Variants in ZRANB3 observed in about 807,000 individuals in gnomAD.
ZRANB3 encodes the protein DNA annealing helicase and endonuclease ZRANB3.
ZRANB3 carries 125 observed loss-of-function variants against 133.8 expected under a neutral mutation model. The ratio of observed to expected loss-of-function variants is 0.93; its 90% CI spans 0.81 to 1.08. The LOEUF is 1.08. Among genes scored for constraint, ZRANB3 ranks in the 50% least tolerant of loss-of-function variants. ZRANB3 has a pLI of 0.00. For synonymous variants in ZRANB3, 387 were observed against 432.7 expected (o/e 0.89, Z 1.31); for missense variants, 1,229 against 1,275.5 (o/e 0.96, Z 0.56).
At chr2:135,412,960 T>C (rs534970187) in intron 2 of ZRANB3, among the ~76,000 whole-genome samples, 4 of 152,338 alleles carry the variant, frequency 2.6e-5, no homozygotes, top group East Asian at 3.9e-4. Flanking sequence ...GGATCTATTA[T>C]GTACCTTGAA....
chr2:135,476,287 T>C (rs1691495452), intron 2 of ZRANB3, among the ~76,000 whole-genome samples: 1 of 152,222 alleles, frequency 6.6e-6, no homozygotes, highest in South Asian at 2.1e-4. Flanking sequence ...ATAGCTGTGA[T>C]AAATAACATT....
intron 11 of ZRANB3, among the ~76,000 whole-genome samples, chr2:135,267,885 T>C (rs1267555069): frequency 7.2e-5 from 11 of 152,088 alleles, no homozygotes; most frequent in East Asian, 3.9e-4. Context: ...TGGGAGGTGA[T>C]TGGGTCATGA....
chr2:135,202,268 G>A (rs1303410209), intron 20 of ZRANB3, among the ~76,000 whole-genome samples: 3 of 152,144 alleles, frequency 2.0e-5, no homozygotes, highest in Admixed American at 2.0e-4. Context: ...ATCTCAGCAG[G>A]TAAATCCCAC....
At chr2:135,419,375 CGT>C (rs963568775) in intron 2 of ZRANB3, among the ~76,000 whole-genome samples, 92 of 151,134 alleles carry the variant, frequency 6.1e-4, no homozygotes, top group African/African-American at 1.9e-3. Context: ...GACATACACA[CGT>C]GTGTGTGTGT....
chr2:135,275,595 A>G, intron 9 of ZRANB3, 41 bp downstream of exon 9: 1 of 1,512,610 alleles, frequency 6.6e-7, no homozygotes, highest in Non-Finnish European at 8.9e-7. Flanking sequence ...TAGTAAAAAT[A>G]TGCATTCTAA....
intron 8 of ZRANB3, among the ~76,000 whole-genome samples, chr2:135,308,145 C>T (rs1682792258): frequency 6.6e-6 from 1 of 152,100 alleles, no homozygotes; most frequent in Non-Finnish European, 1.5e-5. Context: ...TGTCCCCCAC[C>T]ACTAACAAAA....
intron 8 of ZRANB3, among the ~76,000 whole-genome samples, chr2:135,281,795 C>T (rs561391074): frequency 6.6e-5 from 10 of 152,308 alleles, no homozygotes; most frequent in African/African-American, 1.7e-4. Flanking sequence ...AAAATCACAA[C>T]CTAACAATGT....
At chr2:135,273,815 G>A (rs1680655261) in intron 9 of ZRANB3, among the ~76,000 whole-genome samples, 1 of 152,134 alleles carries the variant, frequency 6.6e-6, no homozygotes, top group Non-Finnish European at 1.5e-5. Flanking sequence ...GGGATTACAG[G>A]TGTGAGCCAC....
chr2:135,350,232 A>G lies in ZRANB3; in HGVS notation c.360-17T>C. 1.9e-6 allele frequency: 3 copies of G among 1,538,840 alleles called. No individual in the cohort carries two copies. The highest frequency in any genetic ancestry group is 2.4e-5 in the East Asian group (1 of 42,246). On this transcript the variant is annotated splice_polypyrimidine_tract_variant and intron_variant, in intron 4 of 20. Transcript: ENST00000264159. The stretch of plus-strand genomic sequence containing the variant: ...GACATTCTCCTAGAAAAGAAAATCC[A>G]TGTACTTAAAAAATATCTCAGTAAT...
intron 2 of ZRANB3, among the ~76,000 whole-genome samples, chr2:135,414,960 T>C (rs1688488391): frequency 6.6e-6 from 1 of 151,882 alleles, no homozygotes; most frequent in South Asian, 2.1e-4. Flanking sequence ...AAGCAGTGTG[T>C]AGAGGGAAAT....
intron 2 of ZRANB3, among the ~76,000 whole-genome samples, chr2:135,404,277 C>A (rs900278282): frequency 6.6e-6 from 1 of 152,162 alleles, no homozygotes; most frequent in Non-Finnish European, 1.5e-5. Context: ...GTGCTGAAAA[C>A]CAAGGCACGA....
At chr2:135,505,577 G>GA (rs201142526) in intron 1 of ZRANB3, among the ~76,000 whole-genome samples, 72 of 138,480 alleles carry the variant, frequency 5.2e-4, no homozygotes, top group Admixed American at 5.0e-4. Context: ...CTGTCTCAAG[G>GA]AAAAAAAAAA....
chr2:135,509,837 C>A (rs1380673724), intron 1 of ZRANB3, among the ~76,000 whole-genome samples: 1 of 152,054 alleles, frequency 6.6e-6, no homozygotes, highest in African/African-American at 2.4e-5. Flanking sequence ...TGTTTTTAAA[C>A]ATACCAGCAA....
intron 12 of ZRANB3, among the ~76,000 whole-genome samples, chr2:135,264,909 C>T (rs936617945): frequency 2.6e-5 from 4 of 151,964 alleles, no homozygotes; most frequent in Admixed American, 2.6e-4. Flanking sequence ...CCAACACACC[C>T]AGCTAATTTT....
At chr2:135,269,809 A>G (rs1680426141) in intron 10 of ZRANB3, among the ~76,000 whole-genome samples, 2 of 152,324 alleles carry the variant, frequency 1.3e-5, no homozygotes, top group South Asian at 4.1e-4. Context: ...CCAAAAATGC[A>G]TGACTTTAAT....
intron 2 of ZRANB3, among the ~76,000 whole-genome samples, chr2:135,441,758 T>C (rs1180322776): frequency 6.6e-6 from 1 of 152,082 alleles, no homozygotes; most frequent in Non-Finnish European, 1.5e-5. Context: ...ATGTTAAAAA[T>C]ATGTATTATA....
chr2:135,475,471 G>A lies in ZRANB3; in HGVS notation c.161+28858C>T, dbSNP rs1237506245. Among the ~76,000 whole-genome samples, 3 of 152,262 alleles carry A rather than the reference G, an allele frequency of 2.0e-5. No individual in the cohort carries two copies. In the East Asian group the frequency reaches 5.8e-4, roughly 29 times the overall value. On this transcript the variant is annotated intron_variant, in intron 2 of 20. Transcript: ENST00000264159. ...TATCTTTTGAACTGGGCATCATGTT[G>A]TCATGCTCAATTTCATAGAGTTTTA...
intron 3 of ZRANB3, among the ~76,000 whole-genome samples, chr2:135,371,958 T>A (rs971082037): frequency 1.3e-5 from 2 of 151,798 alleles, no homozygotes; most frequent in African/African-American, 4.8e-5. Flanking sequence ...GGCAGAACAC[T>A]TAAGGCCAGG....
chr2:135,271,690 A>T, intron 10 of ZRANB3, 78 bp downstream of exon 10: 1 of 1,486,304 alleles, frequency 6.7e-7, no homozygotes, highest in South Asian at 1.4e-5. Context: ...CAAGTTTATA[A>T]ACCAAAGTTA....
Sources: allele counts gnomAD v4.1 joint callset (sites outside exome capture counted in the v4.1 genomes callset), GRCh38; gene constraint gnomAD v4.1.1; transcripts MANE v1.5; gene names NCBI Gene and HGNC (gene_info 2026-07-23, HGNC 2026-07-21).